Variants in SEPTIN9 observed in about 807,000 individuals in gnomAD.
The protein encoded by SEPTIN9 is septin-9.
A neutral mutation model predicts 56.6 loss-of-function variants in SEPTIN9; 13 were observed. The observed-to-expected ratio is 0.23, with a 90% CI of 0.15 to 0.37. SEPTIN9 has a LOEUF of 0.37. Ranked by LOEUF, SEPTIN9 falls within the 10% of genes least tolerant of loss-of-function variation. The pLI is 1.00. For missense variants in SEPTIN9, 650 were observed against 823.1 expected, an observed-to-expected ratio of 0.79 and a Z score of 2.57; for synonymous variants, 332 against 334.1, an observed-to-expected ratio of 0.99 and a Z score of 0.07.
intron 7 of SEPTIN9, among the ~76,000 whole-genome samples, chr17:77,490,076 G>T (rs967969824): frequency 3.9e-5 from 6 of 152,230 alleles, no homozygotes; most frequent in African/African-American, 1.2e-4. Context: ...CGCCCAAGGC[G>T]TCCAGTCCCA....
Position 77,498,502 on chromosome 17 carries a change from GCCCGCCCCCCA to G in SEPTIN9, c.1626-17_1626-7del. On this transcript the variant is annotated splice_polypyrimidine_tract_variant and intron_variant, in intron 11 of 11. Coordinates refer to ENST00000427177, the MANE Select transcript of SEPTIN9 (RefSeq NM_001113491.2). The stretch of plus-strand genomic sequence containing the variant: ...CCCGCTGCGCCCACCTCACTGACCC[GCCCGCCCCCCA>G]CCCCCACAGGACGCACATGCAGAAC... 1.3e-5 allele frequency: 2 copies of G among 156,938 alleles called. No individual in the cohort carries two copies. The highest frequency in any genetic ancestry group is 2.4e-5 in the Non-Finnish European group (2 of 82,344). 9.7% of individuals were successfully genotyped at this position (156,938 alleles called of 1,614,324 possible).
Position 77,434,354 on chromosome 17 carries a change from C to A in SEPTIN9, c.721+31651C>A, listed in dbSNP as rs1195147823. Reference sequence around the variant, plus strand: ...TCCTGAGAGTTGGTAGGGTGGCCTGCCCGGCGTCCGCACAGGGTCTGCTGG... The same window carrying A: ...TCCTGAGAGTTGGTAGGGTGGCCTGACCGGCGTCCGCACAGGGTCTGCTGG... On this transcript the variant is annotated intron_variant, in intron 3 of 11. Transcript: ENST00000427177. This position sits in a 1 kb window ranked among gnomAD's most constrained non-coding sequence, Gnocchi z 5.0. Among the ~76,000 whole-genome samples, 1 of 152,208 alleles carries A rather than the reference C, an allele frequency of 6.6e-6. No individual in the cohort carries two copies. The highest frequency in any genetic ancestry group is 2.4e-5 in the African/African-American group (1 of 41,452).
At chr17:77,419,119 CAG>C (rs2036605423) in intron 3 of SEPTIN9, among the ~76,000 whole-genome samples, 2 of 152,238 alleles carry the variant, frequency 1.3e-5, no homozygotes, top group Non-Finnish European at 2.9e-5. Flanking sequence ...ACCTCTTGGC[CAG>C]AGAGAGACTG....
Position 77,456,265 on chromosome 17 carries a change from G to A in SEPTIN9, c.722-25879G>A, listed in dbSNP as rs886849563. 3 of 152,368 alleles carry A rather than the reference G, an allele frequency of 2.0e-5. No homozygotes were observed. Among genetic ancestry groups the A allele is most frequent in the African/African-American group, 7.2e-5 (3 of 41,412 alleles). 9.4% of individuals were successfully genotyped at this position (152,368 alleles called of 1,614,324 possible). On this transcript the variant is annotated intron_variant, in intron 3 of 11. Transcript: ENST00000427177. This position sits in a 1 kb window ranked among gnomAD's most constrained non-coding sequence, Gnocchi z 6.0. ...CACGGAGAGGCCTGGAGGAGGAGCA[G>A]GGGGTCTCAGCCACCCAGGGTGCAG...
chr17:77,486,714 A>C (rs1244487833), intron 4 of SEPTIN9, among the ~76,000 whole-genome samples: 5 of 151,912 alleles, frequency 3.3e-5, no homozygotes, highest in Non-Finnish European at 7.4e-5. Flanking sequence ...TATGAATGCT[A>C]CTTCCTCATC....
chr17:77,347,765 T>C (rs1238133681), intron 2 of SEPTIN9, among the ~76,000 whole-genome samples: 1 of 152,112 alleles, frequency 6.6e-6, no homozygotes, highest in Admixed American at 6.5e-5. Flanking sequence ...TGTGAAACCA[T>C]TGTGTTTCTC....
At position 77,371,998 on chromosome 17, in the gene SEPTIN9, T is replaced by A. The variant is rs2034733272; in HGVS notation, c.77-30061T>A. ...TCTCAGCACTCCTGCACATTTGGGA[T>A]ATTTCAGAGGGGGTGGGGAGGGGCA... On this transcript the variant is annotated intron_variant, in intron 2 of 11. Transcript: ENST00000427177. The surrounding 1 kb of genome is among the most constrained non-coding windows in gnomAD (Gnocchi z 4.1). Among the ~76,000 whole-genome samples the A allele has an allele frequency of 6.6e-6, 1 of 152,088 alleles. No individual in the cohort carries two copies. Among genetic ancestry groups the A allele is most frequent in the Non-Finnish European group, 1.5e-5 (1 of 67,972 alleles).
In SEPTIN9 at chr17:77,376,364, C is replaced by T. The variant is rs145831658; in HGVS notation, c.77-25695C>T. The T allele has an allele frequency of 8.5e-5, 84 of 985,648 alleles. No individual in the cohort carries two copies. The Middle Eastern group carries it at 1.6e-3, about 18-fold the overall frequency. The allele number at this position is 985,648 out of a possible 1,614,324, so 61.1% of individuals were successfully genotyped here. ...GCCGTGGGAGCACAGGTCTCTTTCC[C>T]GGGGCGGCTCACCTGGTGTCTTGGT... On this transcript the variant is annotated intron_variant, in intron 2 of 11. Transcript: ENST00000427177.
intron 3 of SEPTIN9, among the ~76,000 whole-genome samples, chr17:77,464,679 C>T (rs1305171240): frequency 6.6e-6 from 1 of 151,784 alleles, no homozygotes; most frequent in African/African-American, 2.4e-5. Context: ...TGGCTCACTG[C>T]AAGCTTCGCC....
chr17:77,392,029 G>T (rs1024254466), intron 2 of SEPTIN9, among the ~76,000 whole-genome samples: 1 of 152,220 alleles, frequency 6.6e-6, no homozygotes, highest in African/African-American at 2.4e-5. Flanking sequence ...CCATAGGCAG[G>T]GTGGAGGGTC....
rs111793997 is a variant in SEPTIN9, at chr17:77,385,134, C to T, written c.77-16925C>T. On this transcript the variant is annotated intron_variant, in intron 2 of 11. Transcript: ENST00000427177. The stretch of plus-strand genomic sequence containing the variant: ...ATTCCTTAAGCCCAGGAGTTTGAGA[C>T]CAGCCTGGGCAACATAGGGAGACCC... 1.6e-3 allele frequency among the ~76,000 whole-genome samples: 234 copies of T among 150,834 alleles called. 2 individuals carry two copies. Among genetic ancestry groups the T allele is most frequent in the African/African-American group, 5.3e-3 (217 of 41,066 alleles).
chr17:77,431,672 A>G (rs1459282479), intron 3 of SEPTIN9, among the ~76,000 whole-genome samples: 1 of 151,950 alleles, frequency 6.6e-6, no homozygotes, highest in Middle Eastern at 3.4e-3. Flanking sequence ...CTACAAAAAA[A>G]CACAAAAATT....
intron 4 of SEPTIN9, among the ~76,000 whole-genome samples, chr17:77,485,251 G>GTGGTGATTGTGA (rs2039719936): frequency 8.0e-6 from 1 of 124,902 alleles, no homozygotes; most frequent in Non-Finnish European, 1.8e-5. Flanking sequence ...GATTGTGATG[G>GTGGTGATTGTGA]TGGTGATTGT....
At chr17:77,297,695 C>G (rs2031877767) in intron 1 of SEPTIN9, among the ~76,000 whole-genome samples, 1 of 152,222 alleles carries the variant, frequency 6.6e-6, no homozygotes, top group Non-Finnish European at 1.5e-5. Flanking sequence ...GGTGCTGTGA[C>G]AAGCACTGGG....
In SEPTIN9 at chr17:77,435,623, G is replaced by A. The variant is rs1568067435; in HGVS notation, c.721+32920G>A. 6.6e-6 allele frequency among the ~76,000 whole-genome samples: 1 copy of A among 152,222 alleles called. No homozygotes were observed. The highest frequency in any genetic ancestry group is 1.9e-4 in the East Asian group (1 of 5,198). On this transcript the variant is annotated intron_variant, in intron 3 of 11. Transcript: ENST00000427177. This position sits in a 1 kb window ranked among gnomAD's most constrained non-coding sequence, Gnocchi z 4.5. The stretch of plus-strand genomic sequence containing the variant: ...CAGTCTCACACATGTCACTCCCAAA[G>A]GATGTTGACACAGAATGAAGCAGCT...
chr17:77,491,805 C>CAAAAAAAA (rs35233871), intron 8 of SEPTIN9, among the ~76,000 whole-genome samples: 1 of 59,602 alleles, frequency 1.7e-5, no homozygotes, highest in Non-Finnish European at 3.2e-5. Context: ...GACTCCATCT[C>CAAAAAAAA]AAAAAAAAAA....
chr17:77,397,535 C>T (rs898727598), intron 2 of SEPTIN9, among the ~76,000 whole-genome samples: 21 of 152,178 alleles, frequency 1.4e-4, no homozygotes, highest in African/African-American at 5.1e-4. Flanking sequence ...CTAGTCAACC[C>T]TCTACAGAAC....
At chr17:77,489,426 C>A (rs1235729687) in intron 7 of SEPTIN9, among the ~76,000 whole-genome samples, 1 of 152,140 alleles carries the variant, frequency 6.6e-6, no homozygotes, top group African/African-American at 2.4e-5. Context: ...TGTACCCTGG[C>A]AGGTGGACTC....
intron 3 of SEPTIN9, among the ~76,000 whole-genome samples, chr17:77,464,725 C>T (rs988604322): frequency 3.8e-4 from 57 of 151,978 alleles, no homozygotes; most frequent in African/African-American, 1.3e-3. Context: ...CTCAGCCTCC[C>T]GAGTAGCTGG....
Sources: allele counts gnomAD v4.1 joint callset (sites outside exome capture counted in the v4.1 genomes callset), GRCh38; gene constraint gnomAD v4.1.1; non-coding constraint Gnocchi (gnomAD v3.1); transcripts MANE v1.5; gene names NCBI Gene and HGNC (gene_info 2026-07-23, HGNC 2026-07-21).